COL4A6: variants seen among roughly 807,000 people sequenced by gnomAD.
COL4A6 encodes the protein collagen type IV alpha 6 chain.
In COL4A6, 59 loss-of-function variants were observed where a neutral mutation model predicts 126.7. The ratio of observed to expected loss-of-function variants is 0.47; its 90% confidence interval spans 0.38 to 0.58. COL4A6 has a LOEUF of 0.58. Among genes scored for constraint, COL4A6 ranks in the 20% least tolerant of loss-of-function variants. The pLI is 0.00. For synonymous variants in COL4A6, 547 were observed against 496.6 expected (o/e 1.10, Z -1.35); for missense variants, 1,285 against 1,337.3 (o/e 0.96, Z 0.61).
Position 108,318,217 on chromosome X carries a change from C to T in COL4A6, c.64-7389G>A, listed in dbSNP as rs1427364323. Among the ~76,000 whole-genome samples the T allele has an allele frequency of 9.9e-5, 11 of 111,291 alleles. 1 individual carries two copies. Among genetic ancestry groups the T allele is most frequent in the East Asian group, 2.8e-4 (1 of 3,546 alleles). On this transcript the variant is annotated intron_variant, in intron 2 of 44. Transcript: ENST00000334504. Reference sequence around the variant, plus strand: ...CTCAATAAATTAGGTATTGATGGGACGTATCTCAAAATAATAAGAGCTATC... The same window carrying T: ...CTCAATAAATTAGGTATTGATGGGATGTATCTCAAAATAATAAGAGCTATC...
intron 3 of COL4A6, among the ~76,000 whole-genome samples, chrX:108,233,389 T>C (rs1183860831): frequency 9.0e-6 from 1 of 111,695 alleles, no homozygotes. Context: ...ACTTCCCTGA[T>C]TCTCTGGTGA....
chrX:108,264,665 A>C (rs2037251965), intron 3 of COL4A6, among the ~76,000 whole-genome samples: 1 of 111,735 alleles, frequency 8.9e-6, no homozygotes, highest in South Asian at 3.8e-4. Flanking sequence ...TTTTCTTCTA[A>C]AAAAGGGCTT....
At chrX:108,346,837 T>C (rs752147461) in intron 2 of COL4A6, among the ~76,000 whole-genome samples, 1 of 111,594 alleles carries the variant, frequency 9.0e-6, no homozygotes, top group Non-Finnish European at 1.9e-5. Flanking sequence ...CAATTTTTGG[T>C]GAATTGGTGA....
At position 108,205,651 on chromosome X, in the gene COL4A6, T is replaced by G. The variant is rs1295079381; in HGVS notation, c.645+9A>C. The G allele has an allele frequency of 5.0e-6, 6 of 1,204,573 alleles. No individual in the cohort carries two copies. Among genetic ancestry groups the G allele is most frequent in the Non-Finnish European group, 5.6e-6 (5 of 892,343 alleles). ...GGAAGCAAAATGCCCTAAGACAAAGTATACTTACATCAGGACCAAGAGGAC... is the reference window on the plus strand; with the variant it reads ...GGAAGCAAAATGCCCTAAGACAAAGGATACTTACATCAGGACCAAGAGGAC... On this transcript the variant is annotated intron_variant, in intron 10 of 44. Transcript: ENST00000334504.
In COL4A6 at chrX:108,193,651, T is replaced by C; in HGVS notation, c.1049A>G (p.Asp350Gly). ...IGLPGPDVFI[D>G]IDGAVISGNP... is the part of the protein sequence containing the mutation. Reference sequence around the variant, plus strand: ...ACCTGAGATCACAGCACCATCTATATCGATGAAAACATCTGGGCCTGGCAG... The same window carrying C: ...ACCTGAGATCACAGCACCATCTATACCGATGAAAACATCTGGGCCTGGCAG... The change falls in exon 17 of 45, where the codon GAT (aspartate) becomes GGT (glycine). Residue 350 changes from aspartate to glycine, a missense_variant. By Grantham distance (94) the Asp-to-Gly change is moderately conservative. Transcript: ENST00000334504. 1 of 1,209,766 alleles carries C rather than the reference T, an allele frequency of 8.3e-7. No homozygotes were observed. The highest frequency in any genetic ancestry group is 1.1e-6 in the Non-Finnish European group (1 of 893,698).
In COL4A6 at chrX:108,162,940, G is replaced by T. The variant is rs2034007849; in HGVS notation, c.4168C>A (p.Pro1390Thr). The change falls in exon 41 of 45, where the codon CCT (proline) becomes ACT (threonine). Residue 1390 changes from proline to threonine, a missense_variant. By Grantham distance (38) the Pro-to-Thr change is conservative (BLOSUM62 -1). Transcript: ENST00000334504. ...PLGLPGIDGI[P>T]GLTGDPGAQG... ...GCCCCAGGGTCCCCAGTGAGGCCAG[G>T]GATGCCATCGATCCCTGGTAGACCC... The T allele has an allele frequency of 1.7e-6, 2 of 1,203,018 alleles. No individual in the cohort carries two copies. Among genetic ancestry groups the T allele is most frequent in the Admixed American group, 4.5e-5 (2 of 44,821 alleles).
chrX:108,251,084 C>T (rs993320880), intron 3 of COL4A6, among the ~76,000 whole-genome samples: 2 of 110,885 alleles, frequency 1.8e-5, no homozygotes, highest in Non-Finnish European at 3.8e-5. Flanking sequence ...TTTCAAGGGG[C>T]CAAATGCACA....
Position 108,174,508 on chromosome X carries a change from T to A in COL4A6, c.3070A>T (p.Ile1024Phe), listed in dbSNP as rs144126512. 55 of 1,209,366 alleles carry A rather than the reference T, an allele frequency of 4.5e-5. No individual in the cohort carries two copies. In the African/African-American group the frequency reaches 8.0e-4, roughly 18 times the overall value. The stretch of plus-strand genomic sequence containing the variant: ...CCCTTCAGGCCAGGTAAGCCCCGGA[T>A]TCCCATGAAGCCAGGGGGCCCTGGC... ...GKPGPPGFMGIRGLPGLKGSS... is the reference protein window; with the variant it reads ...GKPGPPGFMGFRGLPGLKGSS... The change falls in exon 31 of 45, where the codon ATC becomes TTC. Residue 1024 changes from isoleucine (I) to phenylalanine (F), a missense_variant. Transcript: ENST00000334504.
At chrX:108,206,380 T>G (rs759658352) in intron 9 of COL4A6, 138 bp downstream of exon 9, 1 of 618,458 alleles carries the variant, frequency 1.6e-6, no homozygotes, top group South Asian at 2.2e-5. Context: ...ATGCTTTACT[T>G]TAACCCTCCA....
chrX:108,223,674 G>T (rs2036084202), intron 3 of COL4A6, among the ~76,000 whole-genome samples: 1 of 111,624 alleles, frequency 9.0e-6, no homozygotes, highest in South Asian at 3.8e-4. Flanking sequence ...TTTGGGAACA[G>T]GGGAGAGTTG....
intron 3 of COL4A6, among the ~76,000 whole-genome samples, chrX:108,297,012 G>A (rs985966892): frequency 8.9e-6 from 1 of 112,260 alleles, no homozygotes; most frequent in African/African-American, 3.2e-5. Flanking sequence ...TTTGTCACTT[G>A]TGACCTTTAT....
At chrX:108,189,406 T>A (rs2034966831) in intron 20 of COL4A6, among the ~76,000 whole-genome samples, 1 of 112,121 alleles carries the variant, frequency 8.9e-6, no homozygotes, top group African/African-American at 3.2e-5. Context: ...AATAATCTAA[T>A]TTTTAATAAC....
chrX:108,366,806 G>A (rs756797764), intron 2 of COL4A6, among the ~76,000 whole-genome samples: 6 of 111,842 alleles, frequency 5.4e-5, no homozygotes, highest in Non-Finnish European at 1.1e-4. Context: ...CCCTATAGGA[G>A]TCTATTGTTC....
intron 3 of COL4A6, among the ~76,000 whole-genome samples, chrX:108,305,763 C>T (rs1056831154): frequency 6.3e-5 from 7 of 111,828 alleles, no homozygotes; most frequent in African/African-American, 2.0e-4. Context: ...TCCCAGTTTT[C>T]TGGCTTGAGC....
chrX:108,370,748 T>C (rs1174641129), intron 2 of COL4A6, among the ~76,000 whole-genome samples: 1 of 111,642 alleles, frequency 9.0e-6, no homozygotes, highest in African/African-American at 3.3e-5. Context: ...CAGAGATTCC[T>C]GAACACCCTT....
chrX:108,268,202 T>C lies in COL4A6; in HGVS notation c.144+42546A>G, dbSNP rs889488757. The C allele has an allele frequency of 2.7e-5, 3 of 112,005 alleles. No individual in the cohort carries two copies. In the South Asian group the frequency reaches 1.1e-3, roughly 42 times the overall value. The allele number at this position is 112,005 out of a possible 1,213,427, so 9.2% of individuals were successfully genotyped here. On this transcript the variant is annotated intron_variant, in intron 3 of 44. Coordinates refer to ENST00000334504, the MANE Select transcript of COL4A6 (RefSeq NM_033641.4). ...TAAGCAGAGGCCAGGGAGGAGGGCT[T>C]TTACTGTATTTAAAATGGTTCATTT...
At chrX:108,432,630 G>A (rs1174436075) in intron 2 of COL4A6, among the ~76,000 whole-genome samples, 1 of 111,321 alleles carries the variant, frequency 9.0e-6, no homozygotes, top group Non-Finnish European at 1.9e-5. Context: ...GAGGTCAGGA[G>A]TTCAAGACCA....
At chrX:108,246,169 C>T in intron 3 of COL4A6, among the ~76,000 whole-genome samples, 1 of 112,013 alleles carries the variant, frequency 8.9e-6, no homozygotes, top group Non-Finnish European at 1.9e-5. Context: ...ATTTTACTTA[C>T]TATCTGTGTG....
intron 3 of COL4A6, among the ~76,000 whole-genome samples, chrX:108,239,596 T>C (rs2036521373): frequency 9.0e-6 from 1 of 111,670 alleles, no homozygotes; most frequent in East Asian, 2.8e-4. Flanking sequence ...AAACCTATAG[T>C]CCATTTATAG....
Sources: allele counts gnomAD v4.1 joint callset (sites outside exome capture counted in the v4.1 genomes callset), GRCh38; gene constraint gnomAD v4.1.1; transcripts MANE v1.5; gene names NCBI Gene and HGNC (gene_info 2026-07-23, HGNC 2026-07-21).